Variants in NAALADL2 observed in about 807,000 individuals in gnomAD.
The protein encoded by NAALADL2 is N-acetylated alpha-linked acidic dipeptidase like 2.
A neutral mutation model predicts 87.2 loss-of-function variants in NAALADL2; 76 were observed. The ratio of observed to expected loss-of-function variants is 0.87; its 90% CI spans 0.72 to 1.05. The LOEUF is 1.05. Ranked by LOEUF, NAALADL2 falls within the 50% of genes least tolerant of loss-of-function variation. The pLI, the probability that NAALADL2 is intolerant of heterozygous loss-of-function variation, is 0.00. For synonymous variants in NAALADL2, 354 were observed against 331.0 expected, an observed-to-expected ratio of 1.07 and a Z score of -0.75; for missense variants, 1,089 against 945.8, an observed-to-expected ratio of 1.15 and a Z score of -1.99.
At chr3:175,224,522 C>G (rs1300231515) in intron 2 of NAALADL2, among the ~76,000 whole-genome samples, 2 of 152,052 alleles carry the variant, frequency 1.3e-5, no homozygotes, top group Non-Finnish European at 2.9e-5. Flanking sequence ...AATCCAAAAT[C>G]TAGAATTATT....
intron 1 of NAALADL2, among the ~76,000 whole-genome samples, chr3:175,013,263 AT>A (rs1365840243): frequency 1.0e-5 from 1 of 95,602 alleles, no homozygotes; most frequent in Non-Finnish European, 2.0e-5. Context: ...ATATACATAT[AT>A]TTTTATATAT....
intron 2 of NAALADL2, among the ~76,000 whole-genome samples, chr3:174,605,104 T>G (rs1213510266): frequency 6.6e-6 from 1 of 152,180 alleles, no homozygotes; most frequent in African/African-American, 2.4e-5. Flanking sequence ...AATACCATCT[T>G]ATAACCCATT....
At chr3:175,358,627 G>A (rs567015958) in intron 5 of NAALADL2, among the ~76,000 whole-genome samples, 1 of 152,116 alleles carries the variant, frequency 6.6e-6, no homozygotes, top group Non-Finnish European at 1.5e-5. Context: ...TTTTTCCAAA[G>A]GTAGGAAATA....
In NAALADL2 at chr3:175,352,083, T is replaced by C. The variant is rs1403064941; in HGVS notation, c.1090+27758T>C. On this transcript the variant is annotated intron_variant, in intron 5 of 13. Transcript: ENST00000454872. ...AGGGTATGAAGAGGTTTCTCCTGCATAGAATGAGGCTCTCTGTGGATTTCA... is the reference window on the plus strand; with the variant it reads ...AGGGTATGAAGAGGTTTCTCCTGCACAGAATGAGGCTCTCTGTGGATTTCA... 2.0e-5 allele frequency among the ~76,000 whole-genome samples: 3 copies of C among 151,932 alleles called. No homozygotes were observed. In the East Asian group the frequency reaches 5.8e-4, roughly 29 times the overall value.
At chr3:175,317,132 A>C (rs1296176809) in intron 4 of NAALADL2, among the ~76,000 whole-genome samples, 1 of 152,176 alleles carries the variant, frequency 6.6e-6, no homozygotes, top group Non-Finnish European at 1.5e-5. Flanking sequence ...TCAGCTATAG[A>C]AAAATTCACG....
intron 11 of NAALADL2, among the ~76,000 whole-genome samples, chr3:175,727,930 T>C (rs1221316110): frequency 6.6e-6 from 1 of 152,136 alleles, no homozygotes; most frequent in African/African-American, 2.4e-5. Flanking sequence ...GTGGCTCTTG[T>C]TGGGGCTGAG....
chr3:174,863,030 G>T (rs892017866), intron 1 of NAALADL2, among the ~76,000 whole-genome samples: 9 of 152,078 alleles, frequency 5.9e-5, no homozygotes, highest in Admixed American at 5.9e-4. Context: ...CACTGAAGGA[G>T]AATTTTGCCA....
chr3:175,313,320 C>G (rs1266846230), intron 4 of NAALADL2, among the ~76,000 whole-genome samples: 1 of 152,044 alleles, frequency 6.6e-6, no homozygotes, highest in African/African-American at 2.4e-5. Context: ...AACAGTGAGA[C>G]TTAAATTTTT....
At chr3:175,584,300 G>T (rs902311447) in intron 10 of NAALADL2, among the ~76,000 whole-genome samples, 2 of 152,136 alleles carry the variant, frequency 1.3e-5, no homozygotes, top group African/African-American at 4.8e-5. Flanking sequence ...TCCTCCCAAA[G>T]TGCTGGGATT....
chr3:175,640,829 G>A (rs907640579), intron 11 of NAALADL2, among the ~76,000 whole-genome samples: 4 of 152,008 alleles, frequency 2.6e-5, no homozygotes, highest in African/African-American at 7.2e-5. Context: ...AAATCTTATG[G>A]AAAATGCAGA....
intron 2 of NAALADL2, among the ~76,000 whole-genome samples, chr3:175,103,979 C>T (rs76451642): frequency 0.044 from 6,644 of 152,170 alleles, 204 homozygotes; most frequent in East Asian, 0.09. Context: ...TTTACCATCC[C>T]GTGATATAAG....
intron 13 of NAALADL2, among the ~76,000 whole-genome samples, chr3:175,791,605 A>G (rs1437987880): frequency 6.6e-6 from 1 of 151,976 alleles, no homozygotes; most frequent in Non-Finnish European, 1.5e-5. Flanking sequence ...CAATGGTGGC[A>G]GTGGGGGTAT....
chr3:175,538,904 A>G (rs1200049840), intron 9 of NAALADL2, among the ~76,000 whole-genome samples: 1 of 152,252 alleles, frequency 6.6e-6, no homozygotes, highest in East Asian at 1.9e-4. Flanking sequence ...CAGATTTACT[A>G]GAATTATATA....
At chr3:175,121,429 G>A (rs1298848868) in intron 2 of NAALADL2, among the ~76,000 whole-genome samples, 1 of 151,850 alleles carries the variant, frequency 6.6e-6, no homozygotes, top group Non-Finnish European at 1.5e-5. Context: ...TGGATAGGGT[G>A]AAGAGCAGAA....
chr3:175,178,886 A>G (rs1736056666), intron 2 of NAALADL2, among the ~76,000 whole-genome samples: 1 of 152,056 alleles, frequency 6.6e-6, no homozygotes, highest in South Asian at 2.1e-4. Flanking sequence ...AAAAATATCA[A>G]GACTATAGAT....
intron 2 of NAALADL2, among the ~76,000 whole-genome samples, chr3:174,598,003 C>A (rs1259172205): frequency 6.6e-6 from 1 of 152,038 alleles, no homozygotes; most frequent in Non-Finnish European, 1.5e-5. Flanking sequence ...ATTATAAGTT[C>A]TTTGAGTTAT....
intron 13 of NAALADL2, among the ~76,000 whole-genome samples, chr3:175,798,350 C>T (rs1753756438): frequency 6.6e-6 from 1 of 151,952 alleles, no homozygotes; most frequent in Admixed American, 6.6e-5. Context: ...ACTAGAATCT[C>T]AGTATCTTAG....
chr3:175,713,951 A>G (rs752443999), intron 11 of NAALADL2, among the ~76,000 whole-genome samples: 1 of 151,678 alleles, frequency 6.6e-6, no homozygotes, highest in Non-Finnish European at 1.5e-5. Flanking sequence ...TCATTGTTCA[A>G]CTCCCACTTA....
At chr3:175,034,559 C>A (rs536892889) in intron 1 of NAALADL2, among the ~76,000 whole-genome samples, 75 of 152,276 alleles carry the variant, frequency 4.9e-4, no homozygotes, top group African/African-American at 1.8e-3. Flanking sequence ...CCTGGCCACA[C>A]TTTCTCCATT....
Sources: gnomAD v4.1 joint callset for allele counts (sites outside exome capture counted in the v4.1 genomes callset) on GRCh38, gnomAD v4.1.1 for gene constraint, MANE v1.5 for transcripts, NCBI Gene and HGNC (gene_info 2026-07-23, HGNC 2026-07-21) for gene names.